DOCK3: variants seen among roughly 807,000 people sequenced by gnomAD.
DOCK3 encodes dedicator of cytokinesis 3.
A neutral mutation model predicts 265.6 loss-of-function variants in DOCK3; 60 were observed. The ratio of observed to expected loss-of-function variants is 0.23; its 90% CI spans 0.18 to 0.28. DOCK3 has a LOEUF of 0.28. Among genes scored for constraint, DOCK3 ranks in the 10% least tolerant of loss-of-function variants. The probability of loss-of-function intolerance (pLI) is 1.00; values close to 1 mark genes in which losing one functional copy is unlikely to be tolerated. For synonymous variants in DOCK3, 881 were observed against 938.0 expected (o/e 0.94, Z 1.11); for missense variants, 1,981 against 2,594.3 (o/e 0.76, Z 5.14).
At chr3:50,979,527 C>T (rs968099415) in intron 5 of DOCK3, among the ~76,000 whole-genome samples, 5 of 152,196 alleles carry the variant, frequency 3.3e-5, no homozygotes, top group East Asian at 3.9e-4. Flanking sequence ...TGCTCTCTTG[C>T]GCCATCTCTG....
chr3:50,681,631 A>G (rs1015092886), intron 1 of DOCK3, among the ~76,000 whole-genome samples: 2 of 152,182 alleles, frequency 1.3e-5, no homozygotes, highest in African/African-American at 2.4e-5. Flanking sequence ...TTAGCTAAGT[A>G]CTTGCAGTTG....
intron 5 of DOCK3, among the ~76,000 whole-genome samples, chr3:51,017,586 A>T (rs1559948009): frequency 6.6e-6 from 1 of 151,760 alleles, no homozygotes; most frequent in Non-Finnish European, 1.5e-5. Context: ...GAAAATTTTC[A>T]ATTTCCTTCT....
chr3:51,000,954 G>C (rs917268887), intron 5 of DOCK3, among the ~76,000 whole-genome samples: 2 of 152,182 alleles, frequency 1.3e-5, no homozygotes, highest in African/African-American at 4.8e-5. Context: ...CACCCAGCCT[G>C]TTCTGCCATT....
intron 40 of DOCK3, 51 bp from the exon 41 acceptor site, chr3:51,354,830 TG>T: frequency 6.3e-7 from 1 of 1,583,008 alleles, no homozygotes; most frequent in South Asian, 1.2e-5. Context: ...AGGGTGGAGG[TG>T]GGGGGCTACA....
chr3:50,966,214 A>G (rs1016442996), intron 5 of DOCK3, among the ~76,000 whole-genome samples: 4 of 152,148 alleles, frequency 2.6e-5, no homozygotes, highest in East Asian at 1.9e-4. Context: ...TTCTTTACCC[A>G]TGCATCTACT....
intron 40 of DOCK3, among the ~76,000 whole-genome samples, chr3:51,354,410 T>C (rs1466841277): frequency 2.0e-5 from 3 of 152,190 alleles, no homozygotes; most frequent in Admixed American, 6.5e-5. Flanking sequence ...CAGTGCCCCC[T>C]CTGCCCAACT....
chr3:51,300,885 C>G (rs568952787), intron 27 of DOCK3, among the ~76,000 whole-genome samples: 1 of 152,242 alleles, frequency 6.6e-6, no homozygotes, highest in South Asian at 2.1e-4. Flanking sequence ...GTATCTCTAC[C>G]AGGTTTTAGT....
chr3:51,371,718 A>G (rs2087694184), intron 49 of DOCK3, among the ~76,000 whole-genome samples: 1 of 152,252 alleles, frequency 6.6e-6, no homozygotes, highest in African/African-American at 2.4e-5. Flanking sequence ...TCATGAGACC[A>G]GTGGTCTTCC....
intron 41 of DOCK3, among the ~76,000 whole-genome samples, 184 bp downstream of exon 41, chr3:51,355,207 C>G (rs2086281134): frequency 6.6e-6 from 1 of 152,208 alleles, no homozygotes; most frequent in African/African-American, 2.4e-5. Flanking sequence ...AAAGAGGAAG[C>G]AGTGGCACGC....
intron 1 of DOCK3, among the ~76,000 whole-genome samples, chr3:50,754,417 T>C (rs1220799936): frequency 6.6e-6 from 1 of 152,116 alleles, no homozygotes; most frequent in Non-Finnish European, 1.5e-5. Flanking sequence ...AATCTGTACA[T>C]TACCCCTTGC....
chr3:51,244,659 A>G (rs1436235684), intron 21 of DOCK3, among the ~76,000 whole-genome samples: 1 of 152,170 alleles, frequency 6.6e-6, no homozygotes, highest in Non-Finnish European at 1.5e-5. Flanking sequence ...TTCAATTTGA[A>G]TGTCTTTGAT....
intron 14 of DOCK3, among the ~76,000 whole-genome samples, chr3:51,221,320 G>A (rs563558994): frequency 6.6e-6 from 1 of 152,118 alleles, no homozygotes; most frequent in Non-Finnish European, 1.5e-5. Flanking sequence ...AGTGTAGTGT[G>A]GCTGTTCTTC....
rs144488982 is a variant in DOCK3, at chr3:51,372,510, C to T, written c.5294-1959C>T. On this transcript the variant is annotated intron_variant, in intron 49 of 52. Coordinates refer to ENST00000266037, the MANE Select transcript of DOCK3 (RefSeq NM_004947.5). ...GGCTACAGCCTTCAGGCTGCTATAT[C>T]TCCATCCTAACCCCCTCACACGGAT... Among the ~76,000 whole-genome samples, 183 of 152,320 alleles carry T rather than the reference C, an allele frequency of 1.2e-3. 1 individual carries two copies. Among genetic ancestry groups the T allele is most frequent in the African/African-American group, 4.2e-3 (174 of 41,584 alleles).
chr3:51,200,568 G>A (rs993205586), intron 12 of DOCK3, among the ~76,000 whole-genome samples: 1 of 151,670 alleles, frequency 6.6e-6, no homozygotes, highest in Non-Finnish European at 1.5e-5. Flanking sequence ...AAAGTGACGG[G>A]GAGAATGGAA....
chr3:50,841,819 G>T, intron 3 of DOCK3, 104 bp downstream of exon 3: 1 of 266,158 alleles, frequency 3.8e-6, no homozygotes. Flanking sequence ...ATCTTTTACA[G>T]TAGCCACAAT....
intron 1 of DOCK3, among the ~76,000 whole-genome samples, chr3:50,777,614 G>C (rs2041679081): frequency 6.6e-6 from 1 of 151,990 alleles, no homozygotes; most frequent in Non-Finnish European, 1.5e-5. Context: ...AGTTTTTCTT[G>C]TAGAGATCTT....
chr3:50,890,572 G>A (rs1053265489), intron 4 of DOCK3, among the ~76,000 whole-genome samples: 2 of 151,988 alleles, frequency 1.3e-5, no homozygotes, highest in South Asian at 4.1e-4. Context: ...ATATCAAAAT[G>A]TTAACACTTG....
At chr3:51,144,150 A>G (rs1316367021) in intron 9 of DOCK3, among the ~76,000 whole-genome samples, 2 of 152,324 alleles carry the variant, frequency 1.3e-5, no homozygotes, top group Admixed American at 6.5e-5. Context: ...GACTATGTGT[A>G]TGTGGGTTAT....
chr3:51,015,164 T>C (rs574584733), intron 5 of DOCK3, among the ~76,000 whole-genome samples: 2 of 152,234 alleles, frequency 1.3e-5, no homozygotes, highest in South Asian at 2.1e-4. Context: ...CTTCCAGTAC[T>C]ATTTTGAATA....
Sources: allele counts gnomAD v4.1 joint callset (sites outside exome capture counted in the v4.1 genomes callset), GRCh38; gene constraint gnomAD v4.1.1; transcripts MANE v1.5; gene names NCBI Gene and HGNC (gene_info 2026-07-23, HGNC 2026-07-21).